UPF3A: variants seen among roughly 807,000 people sequenced by gnomAD.
UPF3A encodes regulator of nonsense transcripts 3A.
UPF3A carries 42 observed loss-of-function variants against 53.5 expected under a neutral mutation model. That is an observed-to-expected ratio of 0.78 (90% CI 0.61 to 1.01). The LOEUF is 1.01. Among genes scored for constraint, UPF3A ranks in the 50% least tolerant of loss-of-function variants. The pLI is 0.00. For missense variants in UPF3A, 575 were observed against 598.0 expected (o/e 0.96, Z 0.40); for synonymous variants, 237 against 225.3 (o/e 1.05, Z -0.47).
intron 3 of UPF3A, 65 bp downstream of exon 3, chr13:114,283,008 A>C: frequency 8.3e-7 from 1 of 1,207,448 alleles, no homozygotes; most frequent in Non-Finnish European, 1.2e-6. Flanking sequence ...TATTGCTAGA[A>C]TATTCGTGCT....
chr13:114,282,969 T>G (rs902407902), intron 3 of UPF3A, 26 bp downstream of exon 3: 5 of 1,472,784 alleles, frequency 3.4e-6, no homozygotes, highest in Non-Finnish European at 4.7e-6. Flanking sequence ...TTTAAAAATC[T>G]ATTATAATCT....
intron 3 of UPF3A, chr13:114,285,665 A>G (rs1321501793): frequency 5.3e-5 from 8 of 152,294 alleles, no homozygotes; most frequent in Admixed American, 5.2e-4. Context: ...TTTTTCCCCC[A>G]CATAGCAACG....
intron 7 of UPF3A, among the ~76,000 whole-genome samples, chr13:114,296,428 T>C (rs901039408): frequency 7.2e-5 from 11 of 152,074 alleles, no homozygotes; most frequent in Non-Finnish European, 1.0e-4. Context: ...GGTGAGCACA[T>C]CAAGGTGCTG....
intron 7 of UPF3A, among the ~76,000 whole-genome samples, chr13:114,294,273 T>TGG (rs11455010): frequency 0.063 from 9,027 of 142,726 alleles, 477 homozygotes; most frequent in East Asian, 0.29. Context: ...TTGGTTTTGG[T>TGG]GGGGGGGGGG....
At chr13:114,289,035 GC>G (rs567197363) in intron 5 of UPF3A, among the ~76,000 whole-genome samples, 11 of 152,056 alleles carry the variant, frequency 7.2e-5, no homozygotes, top group African/African-American at 2.4e-4. Context: ...CGTGGCTCCT[GC>G]CGGGGTGGGG....
At chr13:114,299,557 T>C (rs894167431) in intron 8 of UPF3A, among the ~76,000 whole-genome samples, 90 of 152,244 alleles carry the variant, frequency 5.9e-4, no homozygotes, top group Admixed American at 3.2e-3. Context: ...GGCTGTGCAC[T>C]GTGGGTCCTC....
chr13:114,295,647 TA>T (rs1229127490), intron 7 of UPF3A, among the ~76,000 whole-genome samples: 1 of 152,264 alleles, frequency 6.6e-6, no homozygotes, highest in Non-Finnish European at 1.5e-5. Flanking sequence ...CTTTTGATGC[TA>T]CCTGAGGTTA....
At chr13:114,284,089 C>T in intron 3 of UPF3A, 23 of 985,190 alleles carry the variant, frequency 2.3e-5, no homozygotes, top group Non-Finnish European at 2.5e-5. Flanking sequence ...GTGGGCCGGG[C>T]ACAGTGGCTC....
At position 114,281,714 on chromosome 13, in the gene UPF3A, G is replaced by T. The variant is rs1454845718; in HGVS notation, c.75G>T (p.Lys25Asn). 3 of 1,551,404 alleles carry T rather than the reference G, an allele frequency of 1.9e-6. No individual in the cohort carries two copies. The highest frequency in any genetic ancestry group is 3.9e-5 in the Admixed American group (2 of 51,838). Reference sequence around the variant, plus strand: ...CGCGGGGCCCGAGCGGGAGGGAGAAGCTGTCGGCCCTAGAAGTGCAGTTCC... The same window carrying T: ...CGCGGGGCCCGAGCGGGAGGGAGAATCTGTCGGCCCTAGAAGTGCAGTTCC... ...VAARGPSGRE[K>N]LSALEVQFHR... The change falls in exon 1 of 10, where the codon AAG (lysine) becomes AAT (asparagine). Residue 25 changes from lysine to asparagine, a missense_variant. This residue lies in a region of UPF3A where 252 missense variants were observed against 182.7 expected (regional missense o/e 1.38). Transcript: ENST00000375299.
chr13:114,303,600 A>G (rs2086787412), intron 9 of UPF3A, among the ~76,000 whole-genome samples: 1 of 152,152 alleles, frequency 6.6e-6, no homozygotes, highest in African/African-American at 2.4e-5. Flanking sequence ...AGCCTGGCCA[A>G]CATAGTGAAA....
At chr13:114,282,154 A>G (rs1186208223) in intron 2 of UPF3A, 27 bp downstream of exon 2, 2 of 1,527,878 alleles carry the variant, frequency 1.3e-6, no homozygotes, top group African/African-American at 1.4e-5. Flanking sequence ...GGGGAGGAAG[A>G]GAGGGCGGAA....
chr13:114,296,740 G>T (rs1222533234), intron 7 of UPF3A, among the ~76,000 whole-genome samples: 1 of 152,174 alleles, frequency 6.6e-6, no homozygotes, highest in African/African-American at 2.4e-5. Flanking sequence ...GTGGGTTCTG[G>T]TGCTAACTCC....
chr13:114,282,036 C>A lies in UPF3A; in HGVS notation c.223C>A (p.Leu75Met). The A allele has an allele frequency of 6.4e-7, 1 of 1,562,924 alleles. No homozygotes were observed. The highest frequency in any genetic ancestry group is 8.7e-7 in the Non-Finnish European group (1 of 1,155,672). Residue 75 changes from leucine to methionine, a missense_variant, in exon 2 of 10, where the codon CTG becomes ATG. Coordinates refer to ENST00000375299, the MANE Select transcript of UPF3A (RefSeq NM_023011.4). ...TALSKVVIRRLPPGLTKEQLE... is the reference protein window; with the variant it reads ...TALSKVVIRRMPPGLTKEQLE... ...CTCCCCGCAGGTGGTCATCCGCCGCCTGCCTCCGGGCCTCACCAAGGAGCA... is the reference window on the plus strand; with the variant it reads ...CTCCCCGCAGGTGGTCATCCGCCGCATGCCTCCGGGCCTCACCAAGGAGCA...
chr13:114,282,768 A>G, intron 2 of UPF3A, 69 bp from the exon 3 acceptor site: 1 of 1,554,936 alleles, frequency 6.4e-7, no homozygotes, highest in Non-Finnish European at 8.7e-7. Flanking sequence ...CCAGAAAAGG[A>G]AAAAGAGGCT....
At chr13:114,298,051 TTAGG>T (rs1257169936) in intron 7 of UPF3A, among the ~76,000 whole-genome samples, 17 of 151,266 alleles carry the variant, frequency 1.1e-4, no homozygotes, top group Admixed American at 1.1e-3. Context: ...GCAGAGCCCT[TTAGG>T]TGGTGGTGTG....
intron 6 of UPF3A, 42 bp from the exon 7 acceptor site, chr13:114,291,592 C>G: frequency 6.2e-7 from 1 of 1,603,540 alleles, no homozygotes; most frequent in South Asian, 1.1e-5. Flanking sequence ...TTCTGCCATT[C>G]TCATCCAGGC....
chr13:114,302,845 T>C (rs1322435161), intron 9 of UPF3A, among the ~76,000 whole-genome samples: 4 of 152,234 alleles, frequency 2.6e-5, no homozygotes, highest in Admixed American at 1.3e-4. Flanking sequence ...CTCACACCTA[T>C]AATCCCAGCA....
At chr13:114,282,477 T>C (rs2084197823) in intron 2 of UPF3A, 1 of 985,292 alleles carries the variant, frequency 1.0e-6, no homozygotes, top group African/African-American at 1.7e-5. Flanking sequence ...GCTCTTCCTG[T>C]GGCCTCCACG....
At chr13:114,301,186 G>A (rs1258712542) in intron 8 of UPF3A, among the ~76,000 whole-genome samples, 1 of 151,950 alleles carries the variant, frequency 6.6e-6, no homozygotes, top group South Asian at 2.1e-4. Context: ...GCATGGCCAG[G>A]CACGGTGGCT....
Sources: gnomAD v4.1 joint callset for allele counts (sites outside exome capture counted in the v4.1 genomes callset) on GRCh38, gnomAD v4.1.1 for gene constraint, gnomAD v4.1.1 regional missense constraint, MANE v1.5 for transcripts, NCBI Gene and HGNC (gene_info 2026-07-23, HGNC 2026-07-21) for gene names.